Variants in IGF2BP2 observed in about 807,000 individuals in gnomAD.
The protein encoded by IGF2BP2 is insulin like growth factor 2 mRNA binding protein 2.
A neutral mutation model predicts 75.8 loss-of-function variants in IGF2BP2; 17 were observed. The ratio of observed to expected loss-of-function variants is 0.22; its 90% CI spans 0.15 to 0.34. IGF2BP2 has a LOEUF of 0.34. Among genes scored for constraint, IGF2BP2 ranks in the 10% least tolerant of loss-of-function variants. IGF2BP2 has a pLI of 1.00. For missense variants in IGF2BP2, 516 were observed against 772.4 expected (o/e 0.67, Z 3.93); for synonymous variants, 288 against 295.6 (o/e 0.97, Z 0.26).
At position 185,657,270 on chromosome 3, in the gene IGF2BP2, T is replaced by C. The variant is rs1395896252; in HGVS notation, c.1386+16A>G. On this transcript the variant is annotated intron_variant, in intron 12 of 15. Transcript: ENST00000382199. Reference sequence around the variant, plus strand: ...AGGTGGTAGAAGGGCCACAGGGCCGTCAGGAGCAGCCTCACCTTGATAGAG... The same window carrying C: ...AGGTGGTAGAAGGGCCACAGGGCCGCCAGGAGCAGCCTCACCTTGATAGAG... The C allele has an allele frequency of 6.3e-6, 10 of 1,592,878 alleles. No individual in the cohort carries two copies. Among genetic ancestry groups the C allele is most frequent in the Non-Finnish European group, 8.6e-6 (10 of 1,162,374 alleles).
Position 185,653,186 on chromosome 3 carries a change from CT to C in IGF2BP2, c.1387-1019del, listed in dbSNP as rs1283468676. 2.0e-5 allele frequency among the ~76,000 whole-genome samples: 3 copies of C among 152,212 alleles called. No individual in the cohort carries two copies. The East Asian group carries it at 5.8e-4, about 29-fold the overall frequency. ...CTTGTAACACGACTCAAACCCTGGG[CT>C]GAGCAGGCATTTTTGTTAGAGAGAT... On this transcript the variant is annotated intron_variant, in intron 12 of 15. Coordinates refer to ENST00000382199, the MANE Select transcript of IGF2BP2 (RefSeq NM_006548.6).
chr3:185,738,257 G>A (rs1729102735), intron 2 of IGF2BP2, among the ~76,000 whole-genome samples: 2 of 152,112 alleles, frequency 1.3e-5, no homozygotes, highest in South Asian at 4.1e-4. Flanking sequence ...TTATTTTCCA[G>A]GCAATAAAAC....
chr3:185,765,811 G>A (rs758865054), intron 2 of IGF2BP2, among the ~76,000 whole-genome samples: 9 of 152,176 alleles, frequency 5.9e-5, no homozygotes, highest in Non-Finnish European at 1.0e-4. Flanking sequence ...TCTGATTCTG[G>A]TTTTCTAATA....
At chr3:185,801,273 T>C (rs935006106) in intron 2 of IGF2BP2, among the ~76,000 whole-genome samples, 9 of 152,076 alleles carry the variant, frequency 5.9e-5, no homozygotes, top group Non-Finnish European at 1.2e-4. Flanking sequence ...GTGGATCACT[T>C]GAGGTCAGGA....
At chr3:185,687,318 T>C (rs1577970550) in intron 6 of IGF2BP2, 127 bp from the exon 7 acceptor site, 5 of 923,018 alleles carry the variant, frequency 5.4e-6, no homozygotes, top group Middle Eastern at 4.4e-4. Context: ...ATCAGCACGT[T>C]TGCAATCAGT....
chr3:185,706,090 C>T (rs558970430), intron 2 of IGF2BP2, among the ~76,000 whole-genome samples: 18 of 152,138 alleles, frequency 1.2e-4, no homozygotes, highest in Admixed American at 3.3e-4. Context: ...GGAGTGGAGC[C>T]GGACGTCGTG....
At chr3:185,792,303 CACAA>C (rs376737321) in intron 2 of IGF2BP2, among the ~76,000 whole-genome samples, 183 of 152,254 alleles carry the variant, frequency 1.2e-3, no homozygotes, top group African/African-American at 4.1e-3. Context: ...TTCTCCTCAA[CACAA>C]ACAGTTTAAA....
intron 10 of IGF2BP2, among the ~76,000 whole-genome samples, chr3:185,664,911 C>A (rs1367607791): frequency 2.0e-5 from 3 of 152,088 alleles, no homozygotes; most frequent in Non-Finnish European, 4.4e-5. Flanking sequence ...CAAAGAAAAA[C>A]ACGGATCTTT....
At chr3:185,659,906 T>C (rs545025404) in intron 10 of IGF2BP2, among the ~76,000 whole-genome samples, 1 of 152,232 alleles carries the variant, frequency 6.6e-6, no homozygotes, top group African/African-American at 2.4e-5. Context: ...GCGATTCTCC[T>C]GCCTCAGCCT....
intron 7 of IGF2BP2, among the ~76,000 whole-genome samples, chr3:185,677,778 A>G (rs904257224): frequency 1.3e-5 from 2 of 152,254 alleles, no homozygotes; most frequent in African/African-American, 4.8e-5. Context: ...ACTATAAGAA[A>G]GAACCTAACA....
chr3:185,724,788 C>CT (rs1727075877), intron 2 of IGF2BP2: 1 of 152,190 alleles, frequency 6.6e-6, no homozygotes, highest in Admixed American at 6.5e-5. Context: ...AGAATCTTGC[C>CT]TATATGCTTT....
intron 2 of IGF2BP2, among the ~76,000 whole-genome samples, chr3:185,806,149 C>T (rs1374208174): frequency 6.6e-6 from 1 of 152,002 alleles, no homozygotes; most frequent in Non-Finnish European, 1.5e-5. Flanking sequence ...TGAAGACAGT[C>T]AGGGAGTTCT....
chr3:185,656,872 A>G (rs1715519809), intron 12 of IGF2BP2, among the ~76,000 whole-genome samples: 1 of 152,184 alleles, frequency 6.6e-6, no homozygotes, highest in Non-Finnish European at 1.5e-5. Flanking sequence ...TTGCTTTTCA[A>G]AGAGTTTTTT....
chr3:185,741,237 T>C (rs894140631), intron 2 of IGF2BP2, among the ~76,000 whole-genome samples: 1 of 151,908 alleles, frequency 6.6e-6, no homozygotes, highest in Non-Finnish European at 1.5e-5. Context: ...CAATAGCATA[T>C]AAAAATCCTC....
intron 5 of IGF2BP2, 65 bp downstream of exon 5, chr3:185,692,629 CACAGA>C: frequency 1.5e-6 from 2 of 1,329,254 alleles, no homozygotes; most frequent in Non-Finnish European, 2.1e-6. Flanking sequence ...CATTTAAAAA[CACAGA>C]ACTCAATGGA....
At chr3:185,665,045 G>C (rs1358982871) in intron 10 of IGF2BP2, among the ~76,000 whole-genome samples, 1 of 151,734 alleles carries the variant, frequency 6.6e-6, no homozygotes, top group South Asian at 2.1e-4. Flanking sequence ...TGCACCTGTA[G>C]TCCCTGCTAC....
intron 2 of IGF2BP2, chr3:185,725,155 C>G (rs1184780375): frequency 2.0e-5 from 3 of 152,218 alleles, no homozygotes; most frequent in Non-Finnish European, 2.9e-5. Context: ...CAAGACAAAC[C>G]ATCCCACTGT....
At chr3:185,810,043 CT>C (rs1389250986) in intron 2 of IGF2BP2, among the ~76,000 whole-genome samples, 1 of 152,216 alleles carries the variant, frequency 6.6e-6, no homozygotes. Flanking sequence ...AATTCCCAGG[CT>C]CCTGTGTGCC....
chr3:185,719,125 G>A (rs1353522437), intron 2 of IGF2BP2, among the ~76,000 whole-genome samples: 1 of 152,198 alleles, frequency 6.6e-6, no homozygotes, highest in Non-Finnish European at 1.5e-5. Flanking sequence ...AGAGACAGAT[G>A]AATACTAAGT....
Sources: allele counts gnomAD v4.1 joint callset (sites outside exome capture counted in the v4.1 genomes callset), GRCh38; gene constraint gnomAD v4.1.1; transcripts MANE v1.5; gene names NCBI Gene and HGNC (gene_info 2026-07-23, HGNC 2026-07-21).